The following NREP variants were observed in gnomAD, a reference collection of about 807,000 sequenced individuals.
NREP encodes the protein neuronal regeneration related protein.
A neutral mutation model predicts 8.6 loss-of-function variants in NREP; 5 were observed. The ratio of observed to expected loss-of-function variants is 0.58; its 90% confidence interval spans 0.30 to 1.22. The LOEUF (loss-of-function observed/expected upper bound fraction) is 1.22, where lower values mean the gene tolerates loss of function less well. NREP is among the 50% of genes most tolerant of loss of function. The pLI is 0.07. For missense variants in NREP, 86 were observed against 82.5 expected, an observed-to-expected ratio of 1.04 and a Z score of -0.17; for synonymous variants, 27 against 28.0, an observed-to-expected ratio of 0.96 and a Z score of 0.11.
chr5:111,792,165 A>G (rs1329279423), intron 2 of NREP, among the ~76,000 whole-genome samples: 10 of 152,242 alleles, frequency 6.6e-5, no homozygotes. Context: ...TTCACATATA[A>G]TTGATAGCTT....
At chr5:111,896,627 C>T (rs1383346400) in intron 2 of NREP, among the ~76,000 whole-genome samples, 2 of 152,178 alleles carry the variant, frequency 1.3e-5, no homozygotes, top group African/African-American at 2.4e-5. Flanking sequence ...CAGGGATTAA[C>T]TTACATATTT....
At chr5:111,818,496 C>T (rs1304858359) in intron 2 of NREP, among the ~76,000 whole-genome samples, 1 of 151,958 alleles carries the variant, frequency 6.6e-6, no homozygotes, top group Non-Finnish European at 1.5e-5. Flanking sequence ...CTGTTTTGTT[C>T]TGTGGCCAGT....
Position 111,836,430 on chromosome 5 carries a change from A to G in NREP, c.136-100923T>C, listed in dbSNP as rs539201711. On this transcript the variant is annotated intron_variant, in intron 2 of 3. Transcript: ENST00000395634. ...CTGGAGGTGGGGAGAGATAGGACCT[A>G]AGTCAGGGAAGAGCAAGTCTCTTCT... Among the ~76,000 whole-genome samples, 15 of 152,192 alleles carry G rather than the reference A, an allele frequency of 9.9e-5. No individual in the cohort carries two copies. In the South Asian group the frequency reaches 1.2e-3, roughly 13 times the overall value.
chr5:111,777,378 T>G (rs1581109844), intron 2 of NREP, among the ~76,000 whole-genome samples: 1 of 146,840 alleles, frequency 6.8e-6, no homozygotes, highest in African/African-American at 2.5e-5. Context: ...GTGTGTGTGT[T>G]TTAAGTACGT....
intron 2 of NREP, among the ~76,000 whole-genome samples, chr5:111,766,030 G>T (rs1751074732): frequency 6.6e-6 from 1 of 151,756 alleles, no homozygotes; most frequent in Non-Finnish European, 1.5e-5. Context: ...AAAAACTGAG[G>T]TTCCCTCTCC....
At chr5:111,899,765 T>C (rs772951316) in intron 2 of NREP, among the ~76,000 whole-genome samples, 15 of 152,150 alleles carry the variant, frequency 9.9e-5, no homozygotes, top group East Asian at 1.9e-4. Flanking sequence ...TCCGTGCAAA[T>C]AGAAACCAAA....
intron 2 of NREP, among the ~76,000 whole-genome samples, chr5:111,916,308 C>T (rs529689524): frequency 1.3e-5 from 2 of 151,884 alleles, no homozygotes; most frequent in African/African-American, 4.8e-5. Flanking sequence ...TCATTGAACC[C>T]CAGAAGTGGA....
intron 2 of NREP, among the ~76,000 whole-genome samples, chr5:111,778,601 C>T (rs1178790271): frequency 4.6e-5 from 7 of 152,148 alleles, no homozygotes; most frequent in African/African-American, 1.7e-4. Context: ...CACTCCATTA[C>T]ATTTCTTAAT....
intron 2 of NREP, among the ~76,000 whole-genome samples, chr5:111,855,125 G>T (rs1237426886): frequency 6.6e-6 from 1 of 151,994 alleles, no homozygotes; most frequent in African/African-American, 2.4e-5. Flanking sequence ...AATTTAATAG[G>T]TATTAAATTG....
chr5:111,802,330 T>C (rs1306435011), intron 2 of NREP, among the ~76,000 whole-genome samples: 1 of 110,152 alleles, frequency 9.1e-6, no homozygotes, highest in Non-Finnish European at 1.7e-5. Flanking sequence ...GAGACTGTTT[T>C]AGGCAAAAAA....
intron 2 of NREP, among the ~76,000 whole-genome samples, chr5:111,812,637 A>T (rs1247201461): frequency 6.6e-6 from 1 of 152,128 alleles, no homozygotes; most frequent in Non-Finnish European, 1.5e-5. Flanking sequence ...TTCCTCTAAA[A>T]AGTCACACCA....
intron 2 of NREP, among the ~76,000 whole-genome samples, chr5:111,900,094 T>C (rs1244783203): frequency 6.6e-6 from 1 of 152,066 alleles, no homozygotes; most frequent in African/African-American, 2.4e-5. Flanking sequence ...ATATAAAGTG[T>C]CTTGTAAGAC....
chr5:111,920,374 T>C (rs1263158145), intron 2 of NREP, among the ~76,000 whole-genome samples: 1 of 152,130 alleles, frequency 6.6e-6, no homozygotes, highest in African/African-American at 2.4e-5. Context: ...ACGTGTGTCA[T>C]GGTGGTTTGC....
At chr5:111,896,253 G>T (rs1581200024) in intron 2 of NREP, among the ~76,000 whole-genome samples, 1 of 152,164 alleles carries the variant, frequency 6.6e-6, no homozygotes, top group African/African-American at 2.4e-5. Flanking sequence ...ATAGATTCTA[G>T]AGGTGGGAGG....
chr5:111,900,419 A>C lies in NREP; in HGVS notation c.135+74855T>G, dbSNP rs140851231. The stretch of plus-strand genomic sequence containing the variant: ...TAGTAGAAGAGAAATAATAAAGATC[A>C]AAATAGGCCTGAATGTAATAGAGGC... On this transcript the variant is annotated intron_variant, in intron 2 of 3. Coordinates refer to the NREP transcript ENST00000395634. Among the ~76,000 whole-genome samples, 523 of 152,196 alleles carry C rather than the reference A, an allele frequency of 3.4e-3. 1 individual carries two copies. Among genetic ancestry groups the C allele is most frequent in the African/African-American group, 0.012 (480 of 41,588 alleles).
chr5:111,834,652 AT>A (rs1287019207), intron 2 of NREP, among the ~76,000 whole-genome samples: 5 of 152,220 alleles, frequency 3.3e-5, no homozygotes, highest in Admixed American at 2.6e-4. Flanking sequence ...GTGAAATATT[AT>A]GAAACTTGAG....
At chr5:111,948,339 G>C (rs984044629) in intron 2 of NREP, among the ~76,000 whole-genome samples, 1 of 152,110 alleles carries the variant, frequency 6.6e-6, no homozygotes, top group African/African-American at 2.4e-5. Context: ...TGCTAGCCAA[G>C]TCTCACTGAA....
At chr5:111,896,218 A>G (rs988721790) in intron 2 of NREP, among the ~76,000 whole-genome samples, 1 of 152,218 alleles carries the variant, frequency 6.6e-6, no homozygotes, top group Non-Finnish European at 1.5e-5. Context: ...GGTGGCAACC[A>G]TAAAGATGAA....
chr5:111,749,877 C>A (rs1301315916), intron 2 of NREP, among the ~76,000 whole-genome samples: 1 of 152,172 alleles, frequency 6.6e-6, no homozygotes, highest in East Asian at 1.9e-4. Context: ...TTTCTTCTCT[C>A]CACCATTCCA....
Sources: gnomAD v4.1 joint callset for allele counts (sites outside exome capture counted in the v4.1 genomes callset) on GRCh38, gnomAD v4.1.1 for gene constraint, MANE v1.5 for transcripts, NCBI Gene and HGNC (gene_info 2026-07-23, HGNC 2026-07-21) for gene names.